The following PCDH15 variants were observed in gnomAD, a reference collection of about 807,000 sequenced individuals.
PCDH15 encodes protocadherin related 15.
Under a neutral mutation model 178.5 loss-of-function variants are expected in PCDH15, and 129 were observed. The ratio of observed to expected loss-of-function variants is 0.72; its 90% confidence interval spans 0.63 to 0.84. The LOEUF (loss-of-function observed/expected upper bound fraction) is 0.84. Among genes scored for constraint, PCDH15 ranks in the 40% least tolerant of loss-of-function variants. PCDH15 has a pLI of 0.00. For missense variants in PCDH15, 2,230 were observed against 2,099.9 expected, an observed-to-expected ratio of 1.06 and a Z score of -1.21; for synonymous variants, 800 against 732.0, an observed-to-expected ratio of 1.09 and a Z score of -1.50.
intron 21 of PCDH15, among the ~76,000 whole-genome samples, chr10:53,963,024 A>C (rs2088532594): frequency 6.6e-6 from 1 of 152,224 alleles, no homozygotes; most frequent in Admixed American, 6.5e-5. Flanking sequence ...AGAGAAAGAA[A>C]CACTCCTATT....
intron 1 of PCDH15, among the ~76,000 whole-genome samples, chr10:55,174,248 A>C (rs1839418166): frequency 6.6e-6 from 1 of 152,148 alleles, no homozygotes; most frequent in African/African-American, 2.4e-5. Flanking sequence ...GAGACAGGCA[A>C]ATTCCTAGGC....
At chr10:54,945,090 G>T (rs893559018) in intron 2 of PCDH15, among the ~76,000 whole-genome samples, 1 of 151,654 alleles carries the variant, frequency 6.6e-6, no homozygotes, top group African/African-American at 2.4e-5. Context: ...TTGCATCAGT[G>T]GAATTTTTCT....
intron 2 of PCDH15, among the ~76,000 whole-genome samples, chr10:55,529,776 T>TATATA (rs1841405362): frequency 7.1e-6 from 1 of 140,540 alleles, no homozygotes; most frequent in African/African-American, 2.6e-5. Context: ...TATATATATA[T>TATATA]ATTTGATTAC....
At position 54,116,610 on chromosome 10, in the gene PCDH15, CAG is replaced by C. The variant is rs372451192; in HGVS notation, c.1917+16263_1917+16264del. ...TGGAATCAGTAGAATTCAATCAGAT[CAG>C]AGTCAGAGTAAAGAGCCCACAATTA... On this transcript the variant is annotated intron_variant, in intron 15 of 37. Transcript: ENST00000644397. 3.5e-3 allele frequency among the ~76,000 whole-genome samples: 540 copies of C among 152,270 alleles called. 4 individuals are homozygous for C. The highest frequency in any genetic ancestry group is 0.012 in the African/African-American group (500 of 41,552).
intron 2 of PCDH15, among the ~76,000 whole-genome samples, chr10:55,480,071 T>A (rs1840146273): frequency 6.6e-6 from 1 of 151,732 alleles, no homozygotes; most frequent in Admixed American, 6.6e-5. Flanking sequence ...AAACATTGAA[T>A]CTATAAATTG....
intron 2 of PCDH15, among the ~76,000 whole-genome samples, chr10:55,332,442 T>G (rs1844225998): frequency 6.6e-6 from 1 of 152,106 alleles, no homozygotes; most frequent in African/African-American, 2.4e-5. Flanking sequence ...CTAAAATAAA[T>G]AGAACTAGAT....
intron 2 of PCDH15, among the ~76,000 whole-genome samples, chr10:55,545,802 A>G (rs1183831013): frequency 6.6e-6 from 1 of 152,158 alleles, no homozygotes; most frequent in African/African-American, 2.4e-5. Context: ...AGAATCTTTT[A>G]AAAATATTTT....
At chr10:54,128,047 GGATA>G (rs1389352523) in intron 15 of PCDH15, among the ~76,000 whole-genome samples, 3 of 152,020 alleles carry the variant, frequency 2.0e-5, no homozygotes, top group African/African-American at 7.2e-5. Flanking sequence ...TCTGGTGCTG[GGATA>G]GAGAGGATGA....
At chr10:54,702,721 T>A (rs2095323061) in intron 1 of PCDH15, among the ~76,000 whole-genome samples, 1 of 151,886 alleles carries the variant, frequency 6.6e-6, no homozygotes, top group African/African-American at 2.4e-5. Context: ...ATACAACGCC[T>A]ACCAACCAGC....
intron 2 of PCDH15, among the ~76,000 whole-genome samples, chr10:55,565,253 G>T (rs374684773): frequency 1.3e-5 from 2 of 151,562 alleles, no homozygotes; most frequent in East Asian, 1.9e-4. Context: ...ATTACCAATT[G>T]ATCAAAGAAG....
At chr10:55,406,797 G>A (rs1381658528) in intron 2 of PCDH15, among the ~76,000 whole-genome samples, 2 of 152,040 alleles carry the variant, frequency 1.3e-5, no homozygotes, top group East Asian at 3.9e-4. Flanking sequence ...AGTGAGGTGT[G>A]TTCAATAACT....
At chr10:53,867,111 C>A (rs2133164360) in intron 26 of PCDH15, among the ~76,000 whole-genome samples, 1 of 152,136 alleles carries the variant, frequency 6.6e-6, no homozygotes, top group East Asian at 1.9e-4. Flanking sequence ...TAATTCTGTA[C>A]CCTTTAACAA....
chr10:53,903,497 G>T (rs1274817157), intron 25 of PCDH15, 127 bp from the exon 26 acceptor site: 2 of 1,029,298 alleles, frequency 1.9e-6, no homozygotes, highest in African/African-American at 1.6e-5. Flanking sequence ...ATTTCTAGAT[G>T]CCATGCCTAG....
chr10:55,199,041 G>A (rs1840170932), intron 1 of PCDH15, among the ~76,000 whole-genome samples: 1 of 152,096 alleles, frequency 6.6e-6, no homozygotes, highest in African/African-American at 2.4e-5. Flanking sequence ...TAGGAGTGGG[G>A]CATTGCTATA....
intron 27 of PCDH15, 50 bp downstream of exon 27, chr10:53,866,592 T>G (rs776046004): frequency 7.3e-7 from 1 of 1,361,428 alleles, no homozygotes; most frequent in South Asian, 1.2e-5. Context: ...AACACTGACC[T>G]ATGGCTAGTA....
In PCDH15 at chr10:54,869,675, T is replaced by C. The variant is rs1591754091; in HGVS notation, c.-29+27775A>G. On this transcript the variant is annotated intron_variant, in intron 3 of 5. Transcript: ENST00000458638. ...ATTTTAGCAAGAAGAAATAAGATAA[T>C]GGACATAAATAAATGTCACAGTGCC... Among the ~76,000 whole-genome samples the C allele has an allele frequency of 3.9e-5, 6 of 152,324 alleles. 1 individual carries two copies. The highest frequency in any genetic ancestry group is 3.9e-4 in the Admixed American group (6 of 15,292).
chr10:54,484,736 G>A (rs113740008), intron 3 of PCDH15, among the ~76,000 whole-genome samples: 6,043 of 151,686 alleles, frequency 0.04, 190 homozygotes, highest in South Asian at 0.086. Flanking sequence ...AACAGAAATC[G>A]AACGACAATG....
chr10:55,428,548 C>A (rs1345952854), intron 2 of PCDH15, among the ~76,000 whole-genome samples: 2 of 151,534 alleles, frequency 1.3e-5, no homozygotes, highest in South Asian at 2.1e-4. Context: ...TATATAAATT[C>A]TTTCTCTATA....
intron 21 of PCDH15, among the ~76,000 whole-genome samples, chr10:53,974,907 A>C (rs955228344): frequency 6.6e-6 from 1 of 151,948 alleles, no homozygotes; most frequent in Middle Eastern, 3.4e-3. Flanking sequence ...CTCAATATGT[A>C]GTTTTTCAGC....
Sources: gnomAD v4.1 joint callset for allele counts (sites outside exome capture counted in the v4.1 genomes callset) on GRCh38, gnomAD v4.1.1 for gene constraint, MANE v1.5 for transcripts, NCBI Gene and HGNC (gene_info 2026-07-23, HGNC 2026-07-21) for gene names.